Variants in XPR1 observed in about 807,000 individuals in gnomAD.
The protein encoded by XPR1 is xenotropic and polytropic retrovirus receptor 1.
A neutral mutation model predicts 87.5 loss-of-function variants in XPR1; 28 were observed. That is an observed-to-expected ratio of 0.32 (90% CI 0.24 to 0.44). The LOEUF (loss-of-function observed/expected upper bound fraction) is 0.44. Ranked by LOEUF, XPR1 falls within the 20% of genes least tolerant of loss-of-function variation. XPR1 has a pLI of 1.00. For missense variants in XPR1, 559 were observed against 862.3 expected (o/e 0.65, Z 4.41); for synonymous variants, 300 against 306.1 (o/e 0.98, Z 0.21).
intron 3 of XPR1, among the ~76,000 whole-genome samples, chr1:180,791,430 C>T (rs1649374895): frequency 6.6e-6 from 1 of 152,178 alleles, no homozygotes; most frequent in Non-Finnish European, 1.5e-5. Flanking sequence ...CACCACCACA[C>T]CTGGCTAATT....
At chr1:180,730,361 AAAG>A (rs1236319290) in intron 2 of XPR1, among the ~76,000 whole-genome samples, 1 of 152,166 alleles carries the variant, frequency 6.6e-6, no homozygotes, top group East Asian at 1.9e-4. Context: ...TCATTTTCCA[AAAG>A]AAGGATTTAT....
intron 2 of XPR1, among the ~76,000 whole-genome samples, chr1:180,779,355 C>T (rs1648850082): frequency 6.6e-6 from 1 of 152,118 alleles, no homozygotes; most frequent in South Asian, 2.1e-4. Context: ...TTCATCATAT[C>T]CCTAGCATTT....
chr1:180,786,260 G>A (rs1015447099), intron 2 of XPR1, among the ~76,000 whole-genome samples: 17 of 151,942 alleles, frequency 1.1e-4, no homozygotes, highest in African/African-American at 4.1e-4. Context: ...AATATCTCTG[G>A]TACTACAAAT....
chr1:180,831,434 A>T (rs1449491527), intron 9 of XPR1, among the ~76,000 whole-genome samples: 2 of 140,598 alleles, frequency 1.4e-5, no homozygotes, highest in African/African-American at 5.3e-5. Flanking sequence ...TCTGGGGTAC[A>T]TGTGCAGAAC....
rs1221440474 is a variant in XPR1, at chr1:180,632,083, G to T, written c.-119G>T. 1.6e-6 allele frequency: 2 copies of T among 1,231,558 alleles called. No individual in the cohort carries two copies. The highest frequency in any genetic ancestry group is 2.3e-6 in the Non-Finnish European group (2 of 858,020). The allele number at this position is 1,231,558 out of a possible 1,614,324, so 76.3% of individuals were successfully genotyped here. A position where few individuals can be genotyped will look rare whatever the true frequency, so the allele number is the denominator to read the frequency against. On this transcript the variant is annotated 5_prime_UTR_variant, in exon 1 of 15. Coordinates refer to ENST00000367590, the MANE Select transcript of XPR1 (RefSeq NM_004736.4). ...TGAAGAGACCTCGGCGGCGGCGGAG[G>T]AGGAGAGAAGCGCAGCGCCGCGCCG...
chr1:180,643,499 G>C, intron 1 of XPR1, among the ~76,000 whole-genome samples: 1 of 152,142 alleles, frequency 6.6e-6, no homozygotes, highest in East Asian at 1.9e-4. Flanking sequence ...GTAGATACTT[G>C]TCAGTGTCCA....
intron 2 of XPR1, among the ~76,000 whole-genome samples, chr1:180,746,868 T>G (rs1647276874): frequency 6.6e-6 from 1 of 152,186 alleles, no homozygotes; most frequent in African/African-American, 2.4e-5. Flanking sequence ...GTTGGGGACC[T>G]GAGTACAGGA....
intron 11 of XPR1, among the ~76,000 whole-genome samples, chr1:180,840,793 A>ATG (rs1651484405): frequency 6.6e-6 from 1 of 152,008 alleles, no homozygotes; most frequent in African/African-American, 2.4e-5. Context: ...ATATATATAT[A>ATG]TGTATATATG....
chr1:180,723,641 C>G (rs745633787), intron 2 of XPR1, among the ~76,000 whole-genome samples: 17 of 152,126 alleles, frequency 1.1e-4, no homozygotes, highest in Admixed American at 7.9e-4. Context: ...ATAAAATAGT[C>G]TCTTCCTTTT....
intron 1 of XPR1, among the ~76,000 whole-genome samples, chr1:180,664,043 C>T (rs116524061): frequency 3.3e-4 from 50 of 152,278 alleles, no homozygotes; most frequent in African/African-American, 1.1e-3. Context: ...GTGGACTCCC[C>T]TCTGGCACAG....
intron 7 of XPR1, among the ~76,000 whole-genome samples, chr1:180,812,697 G>T (rs1189040532): frequency 1.4e-5 from 2 of 146,034 alleles, no homozygotes; most frequent in Non-Finnish European, 3.0e-5. Flanking sequence ...CGCCAGGTCT[G>T]GGGTGCAGTG....
intron 2 of XPR1, among the ~76,000 whole-genome samples, chr1:180,747,142 G>A (rs1278267164): frequency 6.6e-6 from 1 of 152,060 alleles, no homozygotes; most frequent in Non-Finnish European, 1.5e-5. Flanking sequence ...ACCATTTAGT[G>A]GATTTGACCA....
At position 180,887,943 on chromosome 1, in the gene XPR1, G is replaced by A. The variant is rs1350095830; in HGVS notation, c.*3877G>A. On this transcript the variant is annotated 3_prime_UTR_variant, in exon 15 of 15. Transcript: ENST00000367590. The stretch of plus-strand genomic sequence containing the variant: ...ACAGAAAAAAGTAAAGTAGTATTGA[G>A]TCATGCAGGTATCAGATTAACAGAC... The A allele has an allele frequency of 6.6e-6, 1 of 152,248 alleles. No homozygotes were observed. The highest frequency in any genetic ancestry group is 1.5e-5 in the Non-Finnish European group (1 of 68,050). 9.4% of individuals were successfully genotyped at this position (152,248 alleles called of 1,614,324 possible). A position where few individuals can be genotyped will look rare whatever the true frequency, so the allele number is the denominator to read the frequency against.
At chr1:180,808,259 G>A (rs1246077955) in intron 6 of XPR1, among the ~76,000 whole-genome samples, 3 of 149,978 alleles carry the variant, frequency 2.0e-5, no homozygotes, top group Non-Finnish European at 4.4e-5. Flanking sequence ...TTCAACTAAG[G>A]ATGCTGAAAC....
At position 180,806,222 on chromosome 1, in the gene XPR1, C is replaced by A; in HGVS notation, c.597+11C>A. ...ATCTCTGAAACTGAGGTACAATAAT[C>A]TCGTTTATTTACAACGTATTTTCAG... On this transcript the variant is annotated intron_variant, in intron 5 of 14. Coordinates refer to ENST00000367590, the MANE Select transcript of XPR1 (RefSeq NM_004736.4). 6.2e-7 allele frequency: 1 copy of A among 1,609,300 alleles called. No individual in the cohort carries two copies. Among genetic ancestry groups the A allele is most frequent in the Non-Finnish European group, 8.5e-7 (1 of 1,176,918 alleles).
At chr1:180,838,497 AC>A in intron 11 of XPR1, among the ~76,000 whole-genome samples, 1 of 152,058 alleles carries the variant, frequency 6.6e-6, no homozygotes, top group Non-Finnish European at 1.5e-5. Flanking sequence ...CAAATCTAAA[AC>A]AAATCTAAAA....
At chr1:180,729,881 A>G (rs1394689765) in intron 2 of XPR1, among the ~76,000 whole-genome samples, 2 of 152,152 alleles carry the variant, frequency 1.3e-5, no homozygotes, top group South Asian at 2.1e-4. Flanking sequence ...TCTGCTGTGC[A>G]GAAGCTCTTA....
intron 1 of XPR1, among the ~76,000 whole-genome samples, chr1:180,663,311 A>G (rs377272063): frequency 1.3e-5 from 2 of 152,204 alleles, no homozygotes; most frequent in African/African-American, 2.4e-5. Context: ...GTGTAGTGAT[A>G]TAAGTTTTTA....
chr1:180,708,228 C>G (rs1221812261), intron 2 of XPR1, among the ~76,000 whole-genome samples: 2 of 152,146 alleles, frequency 1.3e-5, no homozygotes, highest in Non-Finnish European at 2.9e-5. Flanking sequence ...TTTTTGCCTA[C>G]TGTTTTTGTG....
Sources: allele counts gnomAD v4.1 joint callset (sites outside exome capture counted in the v4.1 genomes callset), GRCh38; gene constraint gnomAD v4.1.1; transcripts MANE v1.5; gene names NCBI Gene and HGNC (gene_info 2026-07-23, HGNC 2026-07-21).